DCTN4: variants seen among roughly 807,000 people sequenced by gnomAD.
The protein encoded by DCTN4 is dynactin subunit 4.
DCTN4 carries 23 observed loss-of-function variants against 62.7 expected under a neutral mutation model. The observed-to-expected ratio is 0.37, with a 90% CI of 0.26 to 0.52. DCTN4 has a LOEUF of 0.52. Among genes scored for constraint, DCTN4 ranks in the 20% least tolerant of loss-of-function variants. DCTN4 has a pLI of 0.92. For synonymous variants in DCTN4, 199 were observed against 202.1 expected, an observed-to-expected ratio of 0.98 and a Z score of 0.13; for missense variants, 514 against 580.4, an observed-to-expected ratio of 0.89 and a Z score of 1.18.
At chr5:150,727,637 G>T (rs1016236870) in intron 8 of DCTN4, among the ~76,000 whole-genome samples, 1 of 151,576 alleles carries the variant, frequency 6.6e-6, no homozygotes, top group Non-Finnish European at 1.5e-5. Flanking sequence ...TTAGCCGGGC[G>T]TGGTGGCGGG....
intron 4 of DCTN4, 79 bp downstream of exon 4, chr5:150,742,035 C>A (rs1290405395): frequency 1.1e-5 from 13 of 1,194,884 alleles, no homozygotes; most frequent in Non-Finnish European, 1.6e-5. Context: ...CTCATATCTA[C>A]CCATAAAATG....
chr5:150,748,168 C>T (rs761042889), intron 3 of DCTN4, among the ~76,000 whole-genome samples: 1 of 152,046 alleles, frequency 6.6e-6, no homozygotes. Context: ...TTTATGCAGC[C>T]AAAAGACACA....
At chr5:150,715,717 A>G in intron 11 of DCTN4, 55 bp from the exon 12 acceptor site, 2 of 1,402,796 alleles carry the variant, frequency 1.4e-6, no homozygotes, top group African/African-American at 1.4e-5. Flanking sequence ...GACAGAATAT[A>G]GCAAAGTACG....
intron 9 of DCTN4, 77 bp downstream of exon 9, chr5:150,722,830 C>A: frequency 9.4e-7 from 1 of 1,060,446 alleles, no homozygotes; most frequent in African/African-American, 1.6e-5. Flanking sequence ...AGAGTAAACA[C>A]ACTTCATACT....
At chr5:150,755,173 T>G (rs751853680) in intron 2 of DCTN4, among the ~76,000 whole-genome samples, 4 of 152,118 alleles carry the variant, frequency 2.6e-5, no homozygotes, top group Admixed American at 6.5e-5. Flanking sequence ...TAGTATTGGA[T>G]TACAAGCCAA....
chr5:150,718,967 C>T (rs893740483), intron 10 of DCTN4, among the ~76,000 whole-genome samples: 5 of 151,894 alleles, frequency 3.3e-5, no homozygotes, highest in East Asian at 3.9e-4. Flanking sequence ...CACAGGTGTG[C>T]GCCACCACAC....
At position 150,709,194 on chromosome 5, in the gene DCTN4, T is replaced by C. The variant is rs1759475494; in HGVS notation, c.*1955A>G. The C allele has an allele frequency of 6.5e-6, 1 of 152,816 alleles. No individual in the cohort carries two copies. Among genetic ancestry groups the C allele is most frequent in the Non-Finnish European group, 1.5e-5 (1 of 68,050 alleles). 9.5% of individuals were successfully genotyped at this position (152,816 alleles called of 1,614,324 possible). A position where few individuals can be genotyped will look rare whatever the true frequency, so the allele number is the denominator to read the frequency against. The stretch of plus-strand genomic sequence containing the variant: ...GGAAACATTAAACCAGTGGCTCTAT[T>C]ATTCTGCAAGTTAGTTTGGCTTCTG... On this transcript the variant is annotated 3_prime_UTR_variant, in exon 13 of 13. Transcript: ENST00000447998.
chr5:150,735,968 C>G (rs1404487647), intron 4 of DCTN4, among the ~76,000 whole-genome samples: 1 of 146,398 alleles, frequency 6.8e-6, no homozygotes, highest in African/African-American at 2.5e-5. Flanking sequence ...CAGAGAAAGA[C>G]AGCATAAATA....
chr5:150,747,639 A>G (rs1383568205), intron 3 of DCTN4, among the ~76,000 whole-genome samples: 1 of 151,976 alleles, frequency 6.6e-6, no homozygotes, highest in Admixed American at 6.6e-5. Context: ...AATGCCGCAT[A>G]TCTACAACTA....
chr5:150,741,441 T>C lies in DCTN4; in HGVS notation c.429+673A>G, dbSNP rs143179012. 5.6e-3 allele frequency among the ~76,000 whole-genome samples: 845 copies of C among 152,246 alleles called. 8 individuals carry two copies. Among genetic ancestry groups the C allele is most frequent in the African/African-American group, 0.018 (749 of 41,536 alleles). ...CCTCCTGCCTTAGCTTCCTGAGTAA[T>C]GGGGATTACAGGCATGAGCCACTGC... is the stretch of plus-strand genomic sequence containing the variant. On this transcript the variant is annotated intron_variant, in intron 4 of 12. Transcript: ENST00000447998.
At chr5:150,740,637 A>G (rs1424665728) in intron 4 of DCTN4, among the ~76,000 whole-genome samples, 2 of 152,222 alleles carry the variant, frequency 1.3e-5, no homozygotes, top group African/African-American at 4.8e-5. Context: ...CCGCAAAAAT[A>G]GGAAACCGGT....
In DCTN4 at chr5:150,722,275, T is replaced by G. The variant is rs77008365; in HGVS notation, c.908+632A>C. On this transcript the variant is annotated intron_variant, in intron 9 of 12. Transcript: ENST00000447998. ...ACTTTCCTAATTTGTGAAAATATTT[T>G]TGTTTGCCAGGTAATTTAAAAAATT... Among the ~76,000 whole-genome samples the G allele has an allele frequency of 5.5e-3, 843 of 152,344 alleles. 7 individuals are homozygous for G. Among genetic ancestry groups the G allele is most frequent in the African/African-American group, 0.02 (818 of 41,568 alleles).
intron 3 of DCTN4, chr5:150,743,269 G>C (rs1301668114): frequency 6.4e-6 from 1 of 157,162 alleles, no homozygotes; most frequent in Non-Finnish European, 1.4e-5. Context: ...AGTGAGGCTG[G>C]GGGAGGGGCG....
At position 150,733,401 on chromosome 5, in the gene DCTN4, T is replaced by C. The variant is rs1760458623; in HGVS notation, c.504A>G (p.Ala168=). The C allele has an allele frequency of 6.2e-7, 1 of 1,613,996 alleles. No individual in the cohort carries two copies. The highest frequency in any genetic ancestry group is 1.3e-5 in the African/African-American group (1 of 74,928). The change falls in exon 5 of 13, where the codon GCA becomes GCG. Residue 168 remains alanine (A), a synonymous_variant. Transcript: ENST00000447998. ...EKVERDRKKL[A]RRRNYMPLAF... ...CCAGAGGCATATAGTTTCTACGTCG[T>C]GCCAGTTTCTTGCGATCTCGCTCAA...
At chr5:150,717,481 T>G (rs1001563119) in intron 11 of DCTN4, among the ~76,000 whole-genome samples, 1 of 152,100 alleles carries the variant, frequency 6.6e-6, no homozygotes, top group African/African-American at 2.4e-5. Flanking sequence ...CTCCTGACCT[T>G]AGATGATCCA....
Position 150,709,072 on chromosome 5 carries a change from A to G in DCTN4, c.*2077T>C, listed in dbSNP as rs1457339310. The G allele has an allele frequency of 6.5e-6, 1 of 152,802 alleles. No individual in the cohort carries two copies. The highest frequency in any genetic ancestry group is 2.4e-5 in the African/African-American group (1 of 41,448). The allele number at this position is 152,802 out of a possible 1,614,324, so 9.5% of individuals were successfully genotyped here. ...AATTTTTGCACCTCATCTAATATAA[A>G]AAAGGCAACAAATACAATTCCTAAT... On this transcript the variant is annotated 3_prime_UTR_variant, in exon 13 of 13. Coordinates refer to ENST00000447998, the MANE Select transcript of DCTN4 (RefSeq NM_016221.4).
chr5:150,742,267 G>T (rs1581592484), intron 3 of DCTN4, 110 bp from the exon 4 acceptor site: 2 of 1,065,498 alleles, frequency 1.9e-6, no homozygotes, highest in East Asian at 2.4e-5. Flanking sequence ...AAGTTATATA[G>T]ACCATTCTGG....
At chr5:150,731,859 C>A in intron 5 of DCTN4, 1 of 1,549,382 alleles carries the variant, frequency 6.5e-7, no homozygotes, top group South Asian at 1.2e-5. Flanking sequence ...TCTTCAGGGT[C>A]AGCAAGAATC....
chr5:150,724,166 AT>A (rs976284690), intron 8 of DCTN4, among the ~76,000 whole-genome samples: 4 of 151,972 alleles, frequency 2.6e-5, no homozygotes, highest in East Asian at 1.9e-4. Flanking sequence ...ACTGCAGTTA[AT>A]TTTTTTTAAT....
Sources: gnomAD v4.1 joint callset for allele counts (sites outside exome capture counted in the v4.1 genomes callset) on GRCh38, gnomAD v4.1.1 for gene constraint, MANE v1.5 for transcripts, NCBI Gene and HGNC (gene_info 2026-07-23, HGNC 2026-07-21) for gene names.